FGF7: variants seen among roughly 807,000 people sequenced by gnomAD.
FGF7 encodes fibroblast growth factor 7.
Under a neutral mutation model 20.5 loss-of-function variants are expected in FGF7, and 6 were observed. The observed-to-expected ratio is 0.29, with a 90% CI of 0.16 to 0.58. The LOEUF is 0.58. FGF7 is among the 20% of genes least tolerant of loss of function. FGF7 has a pLI of 0.90. For missense variants in FGF7, 144 were observed against 228.8 expected, an observed-to-expected ratio of 0.63 and a Z score of 2.39; for synonymous variants, 64 against 74.7, an observed-to-expected ratio of 0.86 and a Z score of 0.74.
intron 2 of FGF7, among the ~76,000 whole-genome samples, chr15:49,478,406 A>G (rs2055567354): frequency 6.6e-6 from 1 of 151,704 alleles, no homozygotes; most frequent in African/African-American, 2.4e-5. Context: ...TTTTTTGCAT[A>G]TATGTATATG....
intron 2 of FGF7, among the ~76,000 whole-genome samples, chr15:49,438,418 A>G (rs2051305664): frequency 1.3e-5 from 2 of 151,766 alleles, no homozygotes; most frequent in African/African-American, 2.4e-5. Context: ...TGTTCCACCC[A>G]GTCTTTGATA....
At chr15:49,463,932 TTTTG>T (rs59867101) in intron 2 of FGF7, among the ~76,000 whole-genome samples, 2 of 151,710 alleles carry the variant, frequency 1.3e-5, no homozygotes, top group Non-Finnish European at 2.9e-5. Flanking sequence ...TTTGTTTGTT[TTTTG>T]TTTGTTTGCT....
chr15:49,457,107 G>T (rs17400916), intron 2 of FGF7, among the ~76,000 whole-genome samples: 29,066 of 151,924 alleles, frequency 0.19, 3,301 homozygotes, highest in Non-Finnish European at 0.25. Context: ...ATAATTTACA[G>T]CAAGACGTTT....
chr15:49,454,565 CAAG>C (rs2053089375), intron 2 of FGF7, among the ~76,000 whole-genome samples: 1 of 152,122 alleles, frequency 6.6e-6, no homozygotes, highest in Non-Finnish European at 1.5e-5. Context: ...AAGAGGTCTC[CAAG>C]ATCTAGATAT....
intron 2 of FGF7, among the ~76,000 whole-genome samples, chr15:49,476,670 T>A (rs1364834810): frequency 6.6e-6 from 1 of 152,202 alleles, no homozygotes; most frequent in Non-Finnish European, 1.5e-5. Flanking sequence ...GTACAAATAG[T>A]TTCTCTACAC....
chr15:49,452,408 A>C (rs1882329169), intron 2 of FGF7, among the ~76,000 whole-genome samples: 1 of 152,184 alleles, frequency 6.6e-6, no homozygotes, highest in Non-Finnish European at 1.5e-5. Context: ...TGAAAATTAA[A>C]ATGAACCCTT....
rs547452849 is a variant in FGF7, at chr15:49,445,992, T to C, written c.286+21409T>C. Among the ~76,000 whole-genome samples, 4 of 151,670 alleles carry C rather than the reference T, an allele frequency of 2.6e-5. No homozygotes were observed. In the South Asian group the frequency reaches 8.3e-4, roughly 31 times the overall value. On this transcript the variant is annotated intron_variant, in intron 2 of 3. Coordinates refer to ENST00000267843, the MANE Select transcript of FGF7 (RefSeq NM_002009.4). ...TTATAATTTTATATAAATTCATGAA[T>C]TTTTTCCTTACTGGAATAGACATAT...
intron 2 of FGF7, among the ~76,000 whole-genome samples, chr15:49,466,208 T>C (rs900926277): frequency 3.9e-5 from 6 of 152,192 alleles, no homozygotes; most frequent in African/African-American, 1.4e-4. Flanking sequence ...CTCAGACCTG[T>C]TGGATCAGAC....
chr15:49,435,586 C>G (rs913608832), intron 2 of FGF7, among the ~76,000 whole-genome samples: 3 of 151,538 alleles, frequency 2.0e-5, no homozygotes, highest in Admixed American at 2.0e-4. Context: ...TTAACAGGCA[C>G]ACAGAAGTGC....
In FGF7 at chr15:49,424,528, G is replaced by A; in HGVS notation, c.231G>A (p.Leu77=). 6.2e-7 allele frequency: 1 copy of A among 1,608,940 alleles called. No homozygotes were observed. The highest frequency in any genetic ancestry group is 8.5e-7 in the Non-Finnish European group (1 of 1,176,560). ...RRLFCRTQWY[L]RIDKRGKVKG... is the part of the protein sequence containing the mutation. ...TCTTCTGTCGAACACAGTGGTACCT[G>A]AGGATCGATAAAAGAGGCAAAGTAA... Residue 77 remains leucine (L), a synonymous_variant, in exon 2 of 4, where the codon CTG becomes CTA. Coordinates refer to ENST00000267843, the MANE Select transcript of FGF7 (RefSeq NM_002009.4).
At chr15:49,480,474 A>AT (rs35283556) in intron 2 of FGF7, among the ~76,000 whole-genome samples, 66,114 of 101,106 alleles carry the variant, frequency 0.65, 22,243 homozygotes, top group East Asian at 0.9. Context: ...TGCCCAACTA[A>AT]TTTTTTTTTT....
chr15:49,470,920 G>A (rs980176919), intron 2 of FGF7, among the ~76,000 whole-genome samples: 2 of 152,172 alleles, frequency 1.3e-5, no homozygotes, highest in East Asian at 1.9e-4. Context: ...CAGGATGTAA[G>A]GACACCAAGG....
intron 2 of FGF7, among the ~76,000 whole-genome samples, chr15:49,458,697 A>G (rs2053533408): frequency 6.6e-6 from 1 of 152,160 alleles, no homozygotes; most frequent in Non-Finnish European, 1.5e-5. Context: ...AATCAACTTC[A>G]TAATAATGTT....
chr15:49,427,731 T>C lies in FGF7; in HGVS notation c.286+3148T>C, dbSNP rs534427086. On this transcript the variant is annotated intron_variant, in intron 2 of 3. Transcript: ENST00000267843. ...GCAATGCTTCCACACAGGAATGTGG[T>C]TTTTTAAGATACTAGTAAATATGGA... 3.3e-5 allele frequency among the ~76,000 whole-genome samples: 5 copies of C among 151,980 alleles called. No individual in the cohort carries two copies. The East Asian group carries it at 9.7e-4, about 30-fold the overall frequency.
chr15:49,454,898 T>C (rs113374023), intron 2 of FGF7, among the ~76,000 whole-genome samples: 3,670 of 152,210 alleles, frequency 0.024, 114 homozygotes, highest in South Asian at 0.15. Flanking sequence ...TGTGAGCCAC[T>C]GGACCCAGCC....
intron 2 of FGF7, among the ~76,000 whole-genome samples, chr15:49,464,640 T>C (rs1225445710): frequency 6.6e-6 from 1 of 152,210 alleles, no homozygotes; most frequent in East Asian, 1.9e-4. Flanking sequence ...CTTGCAAAAA[T>C]GACACCAATA....
Position 49,435,031 on chromosome 15 carries a change from A to G in FGF7, c.286+10448A>G, listed in dbSNP as rs572084661. Reference sequence around the variant, plus strand: ...GTGTATTTTACAACAATAAAAATACATTCATACAAAACAGTAATGTTCATT... The same window carrying G: ...GTGTATTTTACAACAATAAAAATACGTTCATACAAAACAGTAATGTTCATT... On this transcript the variant is annotated intron_variant, in intron 2 of 3. Coordinates refer to ENST00000267843, the MANE Select transcript of FGF7 (RefSeq NM_002009.4). Among the ~76,000 whole-genome samples, 138 of 151,792 alleles carry G rather than the reference A, an allele frequency of 9.1e-4. 5 individuals are homozygous for G. In the South Asian group the frequency reaches 0.027, roughly 30 times the overall value.
chr15:49,484,307 CAG>C lies in FGF7; in HGVS notation c.391-1_391del, dbSNP rs2056217525. 1 of 1,583,292 alleles carries C rather than the reference CAG, an allele frequency of 6.3e-7. No individual in the cohort carries two copies. The highest frequency in any genetic ancestry group is 8.5e-7 in the Non-Finnish European group (1 of 1,171,050). ...ATGTCTGTTTGTTTGTTTGTTTTAA[CAG>C]AAAGAATGCAATGAAGATTGTAACT... On this transcript the variant is annotated splice_acceptor_variant, in intron 3 of 3. Transcript: ENST00000267843. LOFTEE classifies it high-confidence loss of function.
intron 2 of FGF7, among the ~76,000 whole-genome samples, chr15:49,446,385 T>C (rs543707826): frequency 1.3e-5 from 2 of 151,758 alleles, no homozygotes; most frequent in Non-Finnish European, 3.0e-5. Flanking sequence ...AATGTGACTT[T>C]TACCCTTAAT....
Sources: gnomAD v4.1 joint callset for allele counts (sites outside exome capture counted in the v4.1 genomes callset) on GRCh38, gnomAD v4.1.1 for gene constraint, MANE v1.5 for transcripts, NCBI Gene and HGNC (gene_info 2026-07-23, HGNC 2026-07-21) for gene names.